Variants in MALRD1 observed in about 807,000 individuals in gnomAD.
MALRD1 encodes the protein MAM and LDL receptor class A domain containing 1, also known as MAM and LDL-receptor class A domain-containing protein 1.
In MALRD1, 247 loss-of-function variants were observed where a neutral mutation model predicts 242.1. The observed-to-expected ratio is 1.02, with a 90% CI of 0.92 to 1.13. The LOEUF is 1.13. Ranked by LOEUF, MALRD1 falls within the 50% of genes most tolerant of loss-of-function variation. The pLI is 0.00. For missense variants in MALRD1, 2,989 were observed against 2,533.1 expected (o/e 1.18, Z -3.86); for synonymous variants, 995 against 866.6 (o/e 1.15, Z -2.60).
In MALRD1 at chr10:19,531,189, T is replaced by G. The variant is rs1235048954; in HGVS notation, c.5321-5T>G. 6.5e-7 allele frequency: 1 copy of G among 1,541,744 alleles called. No homozygotes were observed. Among genetic ancestry groups the G allele is most frequent in the Non-Finnish European group, 8.8e-7 (1 of 1,141,546 alleles). On this transcript the variant is annotated splice_polypyrimidine_tract_variant and splice_region_variant and intron_variant, in intron 31 of 39. Transcript: ENST00000454679. ...CTGAAAAAAATTTTGTTAATCTATTTCAAGGTAGTGGTCAGCACTTCCTGT... is the reference window on the plus strand; with the variant it reads ...CTGAAAAAAATTTTGTTAATCTATTGCAAGGTAGTGGTCAGCACTTCCTGT...
At chr10:19,429,496 G>A (rs1229543744) in intron 28 of MALRD1, among the ~76,000 whole-genome samples, 2 of 152,120 alleles carry the variant, frequency 1.3e-5, no homozygotes, top group Non-Finnish European at 2.9e-5. Flanking sequence ...CCCGGGAGGT[G>A]GAGGTTGCGG....
At chr10:19,650,689 G>C (rs967204148) in intron 36 of MALRD1, among the ~76,000 whole-genome samples, 8 of 152,144 alleles carry the variant, frequency 5.3e-5, no homozygotes, top group Non-Finnish European at 7.3e-5. Flanking sequence ...TTATAGGGAG[G>C]TGTAAAGTCA....
chr10:19,712,826 A>G (rs1056658888), intron 38 of MALRD1, among the ~76,000 whole-genome samples: 2 of 152,128 alleles, frequency 1.3e-5, no homozygotes, highest in African/African-American at 2.4e-5. Flanking sequence ...TATTTTTAGA[A>G]GAGATAGCCA....
At chr10:19,171,525 T>C (rs1272006913) in intron 13 of MALRD1, among the ~76,000 whole-genome samples, 5 of 141,966 alleles carry the variant, frequency 3.5e-5, no homozygotes, top group Non-Finnish European at 6.1e-5. Context: ...TGTATATAAA[T>C]ACACACACAC....
At chr10:19,316,448 G>C (rs1351637693) in intron 21 of MALRD1, among the ~76,000 whole-genome samples, 1 of 151,860 alleles carries the variant, frequency 6.6e-6, no homozygotes, top group Non-Finnish European at 1.5e-5. Flanking sequence ...CAGCCAGTAA[G>C]AAGACTGGGC....
chr10:19,387,574 T>A lies in MALRD1; in HGVS notation c.4488T>A (p.Tyr1496Ter), dbSNP rs918708504. The change falls in exon 27 of 40, where the codon TAT (tyrosine) becomes TAA (stop). Residue 1496 changes from tyrosine to a stop codon, truncating the protein, a stop_gained. Transcript: ENST00000454679. LOFTEE classifies it high-confidence loss of function. ...GGGAATGTCATAATGGAAAATGCTATAGGCTGGAACAAAGCTGTAACTTCG... is the reference window on the plus strand; with the variant it reads ...GGGAATGTCATAATGGAAAATGCTAAAGGCTGGAACAAAGCTGTAACTTCG... ...GYRECHNGKC[Y>*]RLEQSCNFVD... The A allele has an allele frequency of 2.6e-6, 4 of 1,550,368 alleles. No individual in the cohort carries two copies. In the Admixed American group the frequency reaches 7.8e-5, roughly 30 times the overall value.
At chr10:19,260,669 G>A (rs1588800005) in intron 19 of MALRD1, among the ~76,000 whole-genome samples, 1 of 152,246 alleles carries the variant, frequency 6.6e-6, no homozygotes, top group Non-Finnish European at 1.5e-5. Flanking sequence ...ATCTTACAAT[G>A]TTTTAAGAGT....
rs1839830754 is a variant in MALRD1 at position 19,629,895 on chromosome 10, G to T, written c.6137+13972G>T. Among the ~76,000 whole-genome samples the T allele has an allele frequency of 2.0e-5, 3 of 152,164 alleles. No individual in the cohort carries two copies. The South Asian group carries it at 6.2e-4, about 32-fold the overall frequency. On this transcript the variant is annotated intron_variant, in intron 36 of 39. Coordinates refer to ENST00000454679, the MANE Select transcript of MALRD1 (RefSeq NM_001142308.3). ...TAACTATGTCAGAGTAGAAGCTTTTGTGCTGTTGCTAGGTGGCTGATCTCT... is the reference window on the plus strand; with the variant it reads ...TAACTATGTCAGAGTAGAAGCTTTTTTGCTGTTGCTAGGTGGCTGATCTCT...
intron 10 of MALRD1, among the ~76,000 whole-genome samples, chr10:19,137,928 C>T (rs1477348931): frequency 1.3e-5 from 2 of 152,082 alleles, no homozygotes; most frequent in East Asian, 1.9e-4. Flanking sequence ...AAAAATTTGA[C>T]GTTTATTTTA....
chr10:19,362,782 G>A (rs989846676), intron 26 of MALRD1, among the ~76,000 whole-genome samples: 2 of 152,108 alleles, frequency 1.3e-5, no homozygotes, highest in African/African-American at 4.8e-5. Flanking sequence ...AGAGATTTCA[G>A]AATAACCAGG....
intron 36 of MALRD1, among the ~76,000 whole-genome samples, chr10:19,641,166 A>G (rs945516841): frequency 6.6e-6 from 1 of 152,186 alleles, no homozygotes; most frequent in Non-Finnish European, 1.5e-5. Flanking sequence ...AGGACAGCAA[A>G]TATGGTAGGA....
chr10:19,204,280 CGT>C, intron 15 of MALRD1, 26 bp from the exon 16 acceptor site: 7 of 1,008,134 alleles, frequency 6.9e-6, no homozygotes, highest in Non-Finnish European at 9.8e-6. Context: ...GTTAATGAAG[CGT>C]TTTTTTTTTT....
chr10:19,088,246 A>G, intron 4 of MALRD1, 61 bp downstream of exon 4: 1 of 1,205,186 alleles, frequency 8.3e-7, no homozygotes, highest in Non-Finnish European at 1.0e-6. Flanking sequence ...GATCTTTAAC[A>G]CCAGGTGAAC....
chr10:19,199,604 C>A (rs1332722618), intron 14 of MALRD1, among the ~76,000 whole-genome samples: 1 of 152,080 alleles, frequency 6.6e-6, no homozygotes, highest in Non-Finnish European at 1.5e-5. Context: ...AGTTCAAAAC[C>A]AGCCTGGCCA....
At chr10:19,462,402 A>G (rs1400905839) in intron 29 of MALRD1, among the ~76,000 whole-genome samples, 1 of 152,242 alleles carries the variant, frequency 6.6e-6, no homozygotes, top group Non-Finnish European at 1.5e-5. Context: ...AGAAACTGCA[A>G]TAAAGGCGCT....
intron 31 of MALRD1, among the ~76,000 whole-genome samples, chr10:19,529,730 C>G (rs1834266257): frequency 6.6e-6 from 1 of 151,752 alleles, no homozygotes; most frequent in Non-Finnish European, 1.5e-5. Context: ...AGTAAGAAAC[C>G]TACATTTAAT....
intron 9 of MALRD1, among the ~76,000 whole-genome samples, chr10:19,136,270 G>T (rs1220785804): frequency 6.6e-6 from 1 of 151,930 alleles, no homozygotes; most frequent in Non-Finnish European, 1.5e-5. Context: ...ATAGTTAGGT[G>T]GGATGCTTGT....
intron 29 of MALRD1, chr10:19,489,182 G>A: frequency 2.1e-6 from 1 of 471,582 alleles, no homozygotes. Context: ...AGGTAAACCT[G>A]CTCCTGCAAA....
chr10:19,516,444 C>A (rs921916866), intron 31 of MALRD1, among the ~76,000 whole-genome samples: 9 of 152,008 alleles, frequency 5.9e-5, no homozygotes, highest in Non-Finnish European at 1.0e-4. Flanking sequence ...AAAATTTAAA[C>A]CGTGTTTCAA....
Sources: gnomAD v4.1 joint callset for allele counts (sites outside exome capture counted in the v4.1 genomes callset) on GRCh38, gnomAD v4.1.1 for gene constraint, MANE v1.5 for transcripts, NCBI Gene and HGNC (gene_info 2026-07-23, HGNC 2026-07-21) for gene names.